Variants in SORCS1 observed in about 807,000 individuals in gnomAD.
The protein encoded by SORCS1 is VPS10 domain-containing receptor SorCS1.
A neutral mutation model predicts 146.1 loss-of-function variants in SORCS1; 60 were observed. The ratio of observed to expected loss-of-function variants is 0.41; its 90% CI spans 0.33 to 0.51. The LOEUF is 0.51. Among genes scored for constraint, SORCS1 ranks in the 20% least tolerant of loss-of-function variants. The pLI, the probability that SORCS1 is intolerant of heterozygous loss-of-function variation, is 0.21. For synonymous variants in SORCS1, 637 were observed against 584.0 expected (o/e 1.09, Z -1.31); for missense variants, 1,352 against 1,487.6 (o/e 0.91, Z 1.50).
intron 1 of SORCS1, among the ~76,000 whole-genome samples, chr10:107,115,497 G>A (rs550075774): frequency 1.4e-3 from 214 of 152,014 alleles, no homozygotes; most frequent in African/African-American, 4.8e-3. Context: ...AAGAATATAC[G>A]GTGAGGGGAA....
intron 2 of SORCS1, among the ~76,000 whole-genome samples, chr10:106,832,898 G>C (rs1948616849): frequency 6.6e-6 from 1 of 152,084 alleles, no homozygotes; most frequent in Non-Finnish European, 1.5e-5. Context: ...CTTGATCCCT[G>C]AGCTACTCGA....
intron 6 of SORCS1, among the ~76,000 whole-genome samples, chr10:106,711,833 G>A (rs1372522245): frequency 1.3e-5 from 2 of 152,106 alleles, no homozygotes; most frequent in African/African-American, 4.8e-5. Flanking sequence ...CCTCCGTCTA[G>A]CACACAAAAT....
chr10:106,912,896 G>A (rs1007501991), intron 2 of SORCS1, among the ~76,000 whole-genome samples: 1 of 151,938 alleles, frequency 6.6e-6, no homozygotes, highest in Non-Finnish European at 1.5e-5. Context: ...TGGCCAGGTT[G>A]GTCTCAAACT....
At chr10:107,027,330 GCTCT>G (rs1564943407) in intron 1 of SORCS1, among the ~76,000 whole-genome samples, 1 of 151,776 alleles carries the variant, frequency 6.6e-6, no homozygotes, top group African/African-American at 2.4e-5. Context: ...GGTGATGGTG[GCTCT>G]CCATTCCTCA....
chr10:106,657,642 C>T, intron 17 of SORCS1, among the ~76,000 whole-genome samples: 1 of 137,728 alleles, frequency 7.3e-6, no homozygotes, highest in East Asian at 2.1e-4. Context: ...TTATATATCT[C>T]AAAAATATAT....
At position 106,938,766 on chromosome 10, in the gene SORCS1, A is replaced by G. The variant is rs185945090; in HGVS notation, c.626+17747T>C. Among the ~76,000 whole-genome samples, 6 of 152,372 alleles carry G rather than the reference A, an allele frequency of 3.9e-5. No homozygotes were observed. In the East Asian group the frequency reaches 1.2e-3, roughly 29 times the overall value. ...CCACAAATCCCTATGTCATATCAGCATCAGAACATCAACCCCTGACTTCTG... is the reference window on the plus strand; with the variant it reads ...CCACAAATCCCTATGTCATATCAGCGTCAGAACATCAACCCCTGACTTCTG... On this transcript the variant is annotated intron_variant, in intron 2 of 25. Coordinates refer to ENST00000263054, the MANE Select transcript of SORCS1 (RefSeq NM_052918.5).
At chr10:106,695,523 C>A (rs998090376) in intron 9 of SORCS1, among the ~76,000 whole-genome samples, 2 of 152,158 alleles carry the variant, frequency 1.3e-5, no homozygotes, top group East Asian at 1.9e-4. Context: ...CACTTACCAT[C>A]TTTGCGGTCT....
chr10:106,669,987 A>G (rs1851465410), intron 16 of SORCS1, among the ~76,000 whole-genome samples: 1 of 152,244 alleles, frequency 6.6e-6, no homozygotes, highest in Admixed American at 6.5e-5. Context: ...TAATGATTCA[A>G]TATGTAACCT....
intron 17 of SORCS1, among the ~76,000 whole-genome samples, chr10:106,666,902 T>G (rs1235699796): frequency 6.6e-6 from 1 of 152,156 alleles, no homozygotes; most frequent in South Asian, 2.1e-4. Flanking sequence ...ATATACATCC[T>G]ATTGGTTTTG....
intron 1 of SORCS1, among the ~76,000 whole-genome samples, chr10:106,964,311 TA>T (rs1368318850): frequency 4.0e-5 from 6 of 150,158 alleles, no homozygotes; most frequent in Non-Finnish European, 5.9e-5. Flanking sequence ...TTTAATTAAT[TA>T]TTTTTTTTAT....
At chr10:106,937,439 A>G (rs1268092869) in intron 2 of SORCS1, among the ~76,000 whole-genome samples, 1 of 151,792 alleles carries the variant, frequency 6.6e-6, no homozygotes, top group African/African-American at 2.4e-5. Context: ...CGGCCTCCCA[A>G]AGTGCTAGAA....
At chr10:106,808,358 A>T (rs1424593708) in intron 3 of SORCS1, among the ~76,000 whole-genome samples, 1 of 152,134 alleles carries the variant, frequency 6.6e-6, no homozygotes, top group Non-Finnish European at 1.5e-5. Flanking sequence ...CAATAAATGC[A>T]CATCCCTTTG....
At chr10:106,948,944 G>A (rs913847721) in intron 2 of SORCS1, among the ~76,000 whole-genome samples, 4 of 151,818 alleles carry the variant, frequency 2.6e-5, no homozygotes, top group African/African-American at 9.7e-5. Flanking sequence ...CTAGGAGACA[G>A]AGAAAGACTC....
At chr10:106,816,546 T>C (rs1304609059) in intron 3 of SORCS1, among the ~76,000 whole-genome samples, 1 of 152,168 alleles carries the variant, frequency 6.6e-6, no homozygotes, top group Non-Finnish European at 1.5e-5. Flanking sequence ...AGGAAGTAAT[T>C]AGAGAGCTCT....
chr10:107,136,561 C>G (rs745463726), intron 1 of SORCS1, among the ~76,000 whole-genome samples: 2 of 152,174 alleles, frequency 1.3e-5, no homozygotes, highest in African/African-American at 2.4e-5. Flanking sequence ...AAAGTCACAA[C>G]TGGTAAGTGA....
At chr10:106,791,786 G>C (rs1946333984) in intron 3 of SORCS1, among the ~76,000 whole-genome samples, 1 of 152,128 alleles carries the variant, frequency 6.6e-6, no homozygotes, top group Admixed American at 6.5e-5. Context: ...AATTTAACTG[G>C]AAGTGCCTAT....
At chr10:106,628,917 G>A (rs1848263110) in intron 19 of SORCS1, among the ~76,000 whole-genome samples, 1 of 152,170 alleles carries the variant, frequency 6.6e-6, no homozygotes, top group Non-Finnish European at 1.5e-5. Flanking sequence ...AAGTTACTTA[G>A]GCTCAGCCTC....
chr10:107,118,278 T>C (rs1966169120), intron 1 of SORCS1, among the ~76,000 whole-genome samples: 1 of 152,230 alleles, frequency 6.6e-6, no homozygotes, highest in Admixed American at 6.5e-5. Flanking sequence ...TGCCTTGATC[T>C]TGGACTTCCC....
chr10:106,849,977 T>C (rs1949482513), intron 2 of SORCS1, among the ~76,000 whole-genome samples: 2 of 152,160 alleles, frequency 1.3e-5, no homozygotes, highest in South Asian at 4.1e-4. Context: ...GAAGAACCAC[T>C]GCTGTCTTCA....
Sources: allele counts gnomAD v4.1 joint callset (sites outside exome capture counted in the v4.1 genomes callset), GRCh38; gene constraint gnomAD v4.1.1; transcripts MANE v1.5; gene names NCBI Gene and HGNC (gene_info 2026-07-23, HGNC 2026-07-21).